ST18: variants seen among roughly 807,000 people sequenced by gnomAD.
The protein encoded by ST18 is suppression of tumorigenicity 18 protein.
A neutral mutation model predicts 110.0 loss-of-function variants in ST18; 50 were observed. That is an observed-to-expected ratio of 0.45 (90% CI 0.36 to 0.58). The LOEUF (loss-of-function observed/expected upper bound fraction) is 0.58, where lower values mean the gene tolerates loss of function less well. Ranked by LOEUF, ST18 falls within the 20% of genes least tolerant of loss-of-function variation. The probability of loss-of-function intolerance (pLI) is 0.00; values close to 1 mark genes in which losing one functional copy is unlikely to be tolerated. For missense variants in ST18, 1,306 were observed against 1,280.1 expected (o/e 1.02, Z -0.31); for synonymous variants, 461 against 452.4 (o/e 1.02, Z -0.24).
chr8:52,176,788 A>G (rs2067130328), intron 9 of ST18, among the ~76,000 whole-genome samples: 1 of 152,068 alleles, frequency 6.6e-6, no homozygotes, highest in Non-Finnish European at 1.5e-5. Flanking sequence ...ACATATTTTG[A>G]GTTTGTCTCC....
intron 3 of ST18, among the ~76,000 whole-genome samples, chr8:52,228,129 G>A (rs1429837580): frequency 6.6e-6 from 1 of 152,174 alleles, no homozygotes; most frequent in Non-Finnish European, 1.5e-5. Flanking sequence ...CTTCTCTTAT[G>A]TTGAAAACAT....
intron 2 of ST18, among the ~76,000 whole-genome samples, chr8:52,249,985 C>T (rs994588552): frequency 6.6e-6 from 1 of 152,000 alleles, no homozygotes; most frequent in African/African-American, 2.4e-5. Context: ...AGCCCTACCC[C>T]CTACCCAAGC....
At chr8:52,343,018 A>T (rs2140224117) in intron 2 of ST18, among the ~76,000 whole-genome samples, 1 of 152,302 alleles carries the variant, frequency 6.6e-6, no homozygotes. Context: ...GCCTACAGTC[A>T]TCAAAATAGA....
At chr8:52,219,191 TCA>T (rs1308330610) in intron 5 of ST18, among the ~76,000 whole-genome samples, 1 of 152,174 alleles carries the variant, frequency 6.6e-6, no homozygotes, top group East Asian at 1.9e-4. Context: ...TGTTTACCTG[TCA>T]CACAAGGAAA....
chr8:52,385,957 C>G (rs1394299447), intron 2 of ST18, among the ~76,000 whole-genome samples: 5 of 152,268 alleles, frequency 3.3e-5, no homozygotes, highest in Non-Finnish European at 4.4e-5. Context: ...AATGTCAGCA[C>G]CTCTTCCATA....
intron 2 of ST18, among the ~76,000 whole-genome samples, chr8:52,351,773 C>T (rs1197969278): frequency 1.3e-5 from 2 of 152,166 alleles, no homozygotes. Flanking sequence ...ATCGATCTAG[C>T]TTTGATTTAT....
chr8:52,291,529 G>T (rs1430944124), intron 2 of ST18, among the ~76,000 whole-genome samples: 1 of 152,170 alleles, frequency 6.6e-6, no homozygotes, highest in African/African-American at 2.4e-5. Context: ...ATTTAAGGTT[G>T]CACTTGATGA....
chr8:52,328,639 T>G (rs1275274130), intron 2 of ST18, among the ~76,000 whole-genome samples: 2 of 152,216 alleles, frequency 1.3e-5, no homozygotes, highest in Admixed American at 6.5e-5. Flanking sequence ...TCACTAGCAC[T>G]GAGATCTCCA....
In ST18 at chr8:52,115,363, A is replaced by C. The variant is rs567718789; in HGVS notation, c.3003+912T>G. On this transcript the variant is annotated intron_variant, in intron 25 of 25. Transcript: ENST00000689386. Reference sequence around the variant, plus strand: ...GTCTGTATTTAAGAATATGTAAAAGAAGTTAATTTTCTATGAATTCCAAAT... The same window carrying C: ...GTCTGTATTTAAGAATATGTAAAAGCAGTTAATTTTCTATGAATTCCAAAT... Among the ~76,000 whole-genome samples, 21 of 152,368 alleles carry C rather than the reference A, an allele frequency of 1.4e-4. No individual in the cohort carries two copies. The South Asian group carries it at 3.5e-3, about 26-fold the overall frequency.
At chr8:52,282,952 T>C (rs987198875) in intron 2 of ST18, among the ~76,000 whole-genome samples, 1 of 152,124 alleles carries the variant, frequency 6.6e-6, no homozygotes, top group South Asian at 2.1e-4. Context: ...AAAGAGGTAC[T>C]CTGGCTACTG....
chr8:52,266,091 C>T (rs558902789), intron 2 of ST18, among the ~76,000 whole-genome samples: 4 of 152,240 alleles, frequency 2.6e-5, no homozygotes, highest in South Asian at 4.1e-4. Flanking sequence ...ATTGAATCGG[C>T]AATTTCAGGT....
chr8:52,311,433 C>T (rs1440343944), intron 2 of ST18, among the ~76,000 whole-genome samples: 2 of 152,190 alleles, frequency 1.3e-5, no homozygotes, highest in African/African-American at 4.8e-5. Context: ...TGTGAGACTT[C>T]CCCCTCTACA....
intron 2 of ST18, among the ~76,000 whole-genome samples, chr8:52,352,226 A>G (rs1426032369): frequency 2.6e-5 from 4 of 152,174 alleles, no homozygotes; most frequent in African/African-American, 4.8e-5. Flanking sequence ...GAGGCGATGG[A>G]GAAACAATGG....
chr8:52,293,733 T>C (rs1307543415), intron 2 of ST18, among the ~76,000 whole-genome samples: 1 of 152,226 alleles, frequency 6.6e-6, no homozygotes, highest in African/African-American at 2.4e-5. Flanking sequence ...CATTGGTAAA[T>C]GGGGATAATG....
At chr8:52,188,548 C>T (rs915101012) in intron 8 of ST18, among the ~76,000 whole-genome samples, 2 of 152,166 alleles carry the variant, frequency 1.3e-5, no homozygotes, top group South Asian at 4.1e-4. Context: ...AACTTTGACT[C>T]AGTGAGATTT....
chr8:52,250,976 C>A (rs1383707550), intron 2 of ST18, among the ~76,000 whole-genome samples: 2 of 152,120 alleles, frequency 1.3e-5, no homozygotes, highest in African/African-American at 4.8e-5. Context: ...TGTAAAGATA[C>A]TAAAAAGTCC....
At chr8:52,263,738 C>T (rs1248217577) in intron 2 of ST18, among the ~76,000 whole-genome samples, 1 of 140,570 alleles carries the variant, frequency 7.1e-6, no homozygotes, top group Non-Finnish European at 1.5e-5. Flanking sequence ...AGTCACAGTG[C>T]CTGGCTTTTT....
intron 2 of ST18, among the ~76,000 whole-genome samples, chr8:52,391,784 C>T (rs557508691): frequency 1.6e-4 from 25 of 152,266 alleles, no homozygotes; most frequent in African/African-American, 6.0e-4. Flanking sequence ...CATTGGGCAA[C>T]ACATGACTGT....
In ST18 at chr8:52,326,660, T is replaced by G. The variant is rs139255281; in HGVS notation, c.-465+82668A>C. Among the ~76,000 whole-genome samples the G allele has an allele frequency of 1.6e-3, 245 of 152,090 alleles. 1 individual carries two copies. Among genetic ancestry groups the G allele is most frequent in the East Asian group, 3.7e-3 (19 of 5,158 alleles). ...CTAGAAAGTGATAATCATGGAAAATTTATAGGAGGGATATCTGAAAGGCAG... is the reference window on the plus strand; with the variant it reads ...CTAGAAAGTGATAATCATGGAAAATGTATAGGAGGGATATCTGAAAGGCAG... On this transcript the variant is annotated intron_variant, in intron 2 of 25. Transcript: ENST00000689386.
Sources: allele counts gnomAD v4.1 joint callset (sites outside exome capture counted in the v4.1 genomes callset), GRCh38; gene constraint gnomAD v4.1.1; transcripts MANE v1.5; gene names NCBI Gene and HGNC (gene_info 2026-07-23, HGNC 2026-07-21).